Variants in KCNN2 observed in about 807,000 individuals in gnomAD.
KCNN2 encodes the protein small conductance calcium-activated potassium channel protein 2.
In KCNN2, 24 loss-of-function variants were observed where a neutral mutation model predicts 55.5. The ratio of observed to expected loss-of-function variants is 0.43; its 90% CI spans 0.31 to 0.61. The LOEUF (loss-of-function observed/expected upper bound fraction) is 0.61, where lower values mean the gene tolerates loss of function less well. Among genes scored for constraint, KCNN2 ranks in the 20% least tolerant of loss-of-function variants. The probability of loss-of-function intolerance (pLI) is 0.08; values close to 1 mark genes in which losing one functional copy is unlikely to be tolerated. For missense variants in KCNN2, 754 were observed against 853.6 expected, an observed-to-expected ratio of 0.88 and a Z score of 1.45; for synonymous variants, 431 against 336.1, an observed-to-expected ratio of 1.28 and a Z score of -3.09.
rs1028606938 is a variant in KCNN2, at chr5:114,167,587, A to T, written c.-270-53893A>T. 1.6e-4 allele frequency among the ~76,000 whole-genome samples: 24 copies of T among 152,132 alleles called. 2 individuals carry two copies. Among genetic ancestry groups the T allele is most frequent in the Non-Finnish European group, 2.4e-4 (16 of 67,992 alleles). ...TCTCTACTTGTTCTATGTAACCTGT[A>T]CCATCTTGCCAATAAACTAGAAAGA... On this transcript the variant is annotated intron_variant, in intron 1 of 10. Transcript: ENST00000512097.
intron 1 of KCNN2, among the ~76,000 whole-genome samples, chr5:114,189,810 C>T (rs1191590823): frequency 2.0e-5 from 3 of 152,098 alleles, no homozygotes; most frequent in Non-Finnish European, 4.4e-5. Flanking sequence ...TACATGGGAT[C>T]TTGGAATGTG....
At chr5:114,085,068 A>ATG (rs1554067511) in intron 1 of KCNN2, among the ~76,000 whole-genome samples, 72 of 150,808 alleles carry the variant, frequency 4.8e-4, no homozygotes, top group South Asian at 8.3e-4. Flanking sequence ...ATATATATAT[A>ATG]TGTGTGTGTC....
chr5:114,488,577 A>G (rs1747688918), intron 6 of KCNN2, among the ~76,000 whole-genome samples: 1 of 152,160 alleles, frequency 6.6e-6, no homozygotes, highest in Admixed American at 6.6e-5. Context: ...TTGCCTAGAA[A>G]TCTTGATTCC....
At chr5:114,275,336 A>G (rs1755462465) in intron 2 of KCNN2, among the ~76,000 whole-genome samples, 1 of 152,170 alleles carries the variant, frequency 6.6e-6, no homozygotes, top group African/African-American at 2.4e-5. Flanking sequence ...TGTCAGGATG[A>G]TGCTAGCCTC....
At chr5:114,333,835 G>A (rs1426466436) in intron 2 of KCNN2, among the ~76,000 whole-genome samples, 24 of 152,138 alleles carry the variant, frequency 1.6e-4, no homozygotes, top group Non-Finnish European at 1.5e-5. Context: ...ACATAAAAAT[G>A]CCATTGTGCT....
chr5:114,247,390 T>C (rs1018922657), intron 2 of KCNN2, among the ~76,000 whole-genome samples: 8 of 152,192 alleles, frequency 5.3e-5, no homozygotes, highest in African/African-American at 1.9e-4. Flanking sequence ...TAGATTAAAA[T>C]GTATCAACAA....
intron 2 of KCNN2, among the ~76,000 whole-genome samples, chr5:114,385,273 C>T (rs906673697): frequency 6.6e-6 from 1 of 151,920 alleles, no homozygotes; most frequent in Non-Finnish European, 1.5e-5. Flanking sequence ...TCTCTTCCTT[C>T]ATAACATCAC....
chr5:114,112,216 A>C (rs1434565274), intron 1 of KCNN2, among the ~76,000 whole-genome samples: 3 of 152,158 alleles, frequency 2.0e-5, no homozygotes, highest in Non-Finnish European at 4.4e-5. Flanking sequence ...TTTTCAGCAA[A>C]CTATCACAAC....
intron 2 of KCNN2, among the ~76,000 whole-genome samples, chr5:114,398,406 C>T (rs1467619320): frequency 6.6e-6 from 1 of 151,854 alleles, no homozygotes; most frequent in African/African-American, 2.4e-5. Context: ...TGTTTTTGTA[C>T]CAGTGCCATG....
intron 1 of KCNN2, among the ~76,000 whole-genome samples, chr5:114,174,717 T>G (rs1323361887): frequency 6.6e-6 from 1 of 152,184 alleles, no homozygotes; most frequent in Non-Finnish European, 1.5e-5. Context: ...AAACAGGATG[T>G]CATGAAATTT....
intron 4 of KCNN2, among the ~76,000 whole-genome samples, chr5:114,471,115 A>G (rs1177685103): frequency 6.6e-6 from 1 of 152,208 alleles, no homozygotes; most frequent in Non-Finnish European, 1.5e-5. Flanking sequence ...GCTTTGAAAT[A>G]CAGTGCTTCA....
chr5:114,323,649 A>ATTTTGTTTTTT (rs1756656133), intron 2 of KCNN2, among the ~76,000 whole-genome samples: 1 of 85,318 alleles, frequency 1.2e-5, no homozygotes, highest in African/African-American at 4.0e-5. Flanking sequence ...AAACATATCA[A>ATTTTGTTTTTT]TTTTTTTTTT....
At chr5:114,236,652 G>A (rs112900351) in intron 2 of KCNN2, among the ~76,000 whole-genome samples, 1,541 of 151,960 alleles carry the variant, frequency 0.01, 20 homozygotes, top group African/African-American at 0.035. Context: ...CCTTCATCCA[G>A]GCCAATATCA....
At position 114,362,404 on chromosome 5, in the gene KCNN2, C is replaced by T; in HGVS notation, c.265C>T (p.Leu89=). 3.5e-6 allele frequency: 1 copy of T among 285,298 alleles called. No individual in the cohort carries two copies. The allele number at this position is 285,298 out of a possible 1,614,324, so 17.7% of individuals were successfully genotyped here. The change falls in exon 1 of 8, where the codon CTG becomes TTG. Residue 89 remains leucine (L), a synonymous_variant. Coordinates refer to ENST00000673685, the MANE Select transcript of KCNN2 (RefSeq NM_021614.4). Reference sequence around the variant, plus strand: ...GGGGGCGGGAGATAACCTGTCCCTGCTGCTCCGCACCTCCTCGCCCGGCGG... The same window carrying T: ...GGGGGCGGGAGATAACCTGTCCCTGTTGCTCCGCACCTCCTCGCCCGGCGG... ...AAGAGDNLSL[L]LRTSSPGGAF... is the part of the protein sequence containing the mutation.
chr5:114,079,497 T>C (rs1750755609), intron 1 of KCNN2, among the ~76,000 whole-genome samples: 3 of 152,202 alleles, frequency 2.0e-5, no homozygotes, highest in African/African-American at 2.4e-5. Context: ...CTAGCTCTTC[T>C]CCTTTCTAGC....
chr5:114,140,257 T>C (rs1331656381), intron 1 of KCNN2, among the ~76,000 whole-genome samples: 1 of 152,240 alleles, frequency 6.6e-6, no homozygotes, highest in African/African-American at 2.4e-5. Flanking sequence ...GAGATTTTGC[T>C]GACATATAGT....
intron 2 of KCNN2, among the ~76,000 whole-genome samples, chr5:114,292,402 C>G (rs1279827927): frequency 2.0e-5 from 3 of 152,134 alleles, no homozygotes; most frequent in Non-Finnish European, 4.4e-5. Flanking sequence ...TTTCAGCTTT[C>G]TACATATGGC....
At chr5:114,406,370 C>G (rs976671999) in intron 3 of KCNN2, among the ~76,000 whole-genome samples, 1 of 150,962 alleles carries the variant, frequency 6.6e-6, no homozygotes, top group Non-Finnish European at 1.5e-5. Context: ...ATACCCCTTT[C>G]ACAACTTCAC....
At chr5:114,077,879 C>T (rs1386462) in intron 1 of KCNN2, among the ~76,000 whole-genome samples, 77,792 of 152,046 alleles carry the variant, frequency 0.51, 21,152 homozygotes, top group East Asian at 0.69. Flanking sequence ...CTCACCTGCC[C>T]TCTTTGTGCA....
Sources: allele counts gnomAD v4.1 joint callset (sites outside exome capture counted in the v4.1 genomes callset), GRCh38; gene constraint gnomAD v4.1.1; transcripts MANE v1.5; gene names NCBI Gene and HGNC (gene_info 2026-07-23, HGNC 2026-07-21).